Variants in GINS4 observed in about 807,000 individuals in gnomAD.
The protein encoded by GINS4 is GINS complex subunit 4, also known as DNA replication complex GINS protein SLD5.
GINS4 carries 20 observed loss-of-function variants against 31.1 expected under a neutral mutation model. The observed-to-expected ratio is 0.64, with a 90% CI of 0.45 to 0.93. GINS4 has a LOEUF of 0.93. Ranked by LOEUF, GINS4 falls within the 40% of genes least tolerant of loss-of-function variation. The pLI, the probability that GINS4 is intolerant of heterozygous loss-of-function variation, is 0.00. For synonymous variants in GINS4, 85 were observed against 97.9 expected, an observed-to-expected ratio of 0.87 and a Z score of 0.78; for missense variants, 245 against 273.9, an observed-to-expected ratio of 0.89 and a Z score of 0.75.
chr8:41,542,844 G>A lies in GINS4; in HGVS notation c.*757G>A, dbSNP rs1269439491. 2 of 152,362 alleles carry A rather than the reference G, an allele frequency of 1.3e-5. No homozygotes were observed. Among genetic ancestry groups the A allele is most frequent in the Non-Finnish European group, 2.9e-5 (2 of 68,144 alleles). The allele number at this position is 152,362 out of a possible 1,614,324, so 9.4% of individuals were successfully genotyped here. On this transcript the variant is annotated 3_prime_UTR_variant, in exon 8 of 8. Coordinates refer to ENST00000276533, the MANE Select transcript of GINS4 (RefSeq NM_032336.3). ...GATTGCTTGTGTTGCTGCATGTCCT[G>A]TCTGCTGTTTTAGCCCGTGTCAGTA...
chr8:41,531,593 T>C (rs1369811587), intron 2 of GINS4, among the ~76,000 whole-genome samples: 1 of 152,200 alleles, frequency 6.6e-6, no homozygotes, highest in African/African-American at 2.4e-5. Flanking sequence ...TGATTCTTAA[T>C]CTGTTTTTAT....
chr8:41,540,092 C>CA, intron 6 of GINS4, 88 bp downstream of exon 6: 4 of 943,186 alleles, frequency 4.2e-6, no homozygotes, highest in Non-Finnish European at 6.8e-6. Context: ...TACCCAAATA[C>CA]AAAAAAGTAA....
In GINS4 at chr8:41,543,411, C is replaced by G. The variant is rs533070925; in HGVS notation, c.*1324C>G. ...CTGTTAACGGAGTGACGTTAACCAT[C>G]TTGTATTGTGACCTGTGGCCGCTTT... On this transcript the variant is annotated 3_prime_UTR_variant, in exon 8 of 8. Transcript: ENST00000276533. 5 of 152,290 alleles carry G rather than the reference C, an allele frequency of 3.3e-5. No homozygotes were observed. In the East Asian group the frequency reaches 7.7e-4, roughly 24 times the overall value. The allele number at this position is 152,290 out of a possible 1,614,324, so 9.4% of individuals were successfully genotyped here. A position where few individuals can be genotyped will look rare whatever the true frequency, so the allele number is the denominator to read the frequency against.
intron 4 of GINS4, chr8:41,538,025 A>C: frequency 6.6e-6 from 1 of 152,006 alleles, no homozygotes; most frequent in African/African-American, 2.4e-5. Context: ...CGCCTCAAAA[A>C]AAAAAAAAAA....
At chr8:41,536,497 T>C in intron 3 of GINS4, 51 bp downstream of exon 3, 1 of 1,121,524 alleles carries the variant, frequency 8.9e-7, no homozygotes. Context: ...GTAAAAGCAT[T>C]TGGTCAGCAC....
Position 41,542,230 on chromosome 8 carries a change from A to AT in GINS4, c.*144dup. The AT allele has an allele frequency of 1.5e-6, 1 of 654,552 alleles. No individual in the cohort carries two copies. The highest frequency in any genetic ancestry group is 2.8e-6 in the Non-Finnish European group (1 of 362,264). The allele number at this position is 654,552 out of a possible 1,614,324, so 40.5% of individuals were successfully genotyped here. On this transcript the variant is annotated 3_prime_UTR_variant, in exon 8 of 8. Transcript: ENST00000276533. Reference sequence around the variant, plus strand: ...ACCCCATCTTTACTAAAAATACAAAATAATTAGCCGGGTGTTGGTGGTGTG... The same window carrying AT: ...ACCCCATCTTTACTAAAAATACAAAATTAATTAGCCGGGTGTTGGTGGTGTG...
Position 41,539,319 on chromosome 8 carries a change from CAAAAAAAAAAA to C in GINS4, c.298-345_298-335del, listed in dbSNP as rs36097557. 2.8e-3 allele frequency among the ~76,000 whole-genome samples: 156 copies of C among 55,772 alleles called. 3 individuals are homozygous for C. The highest frequency in any genetic ancestry group is 8.0e-3 in the African/African-American group (137 of 17,030). The allele number at this position is 55,772 out of a possible 152,430, so 36.6% of individuals were successfully genotyped here. A position where few individuals can be genotyped will look rare whatever the true frequency, so the allele number is the denominator to read the frequency against. ...TGGACAACACAATGAGACTCCATCT[CAAAAAAAAAAA>C]AAAAAAAAAAAAACCTTATGTGATT... On this transcript the variant is annotated intron_variant, in intron 4 of 7. Transcript: ENST00000276533.
chr8:41,530,434 A>T (rs905844811), intron 2 of GINS4, 136 bp downstream of exon 2: 3 of 627,724 alleles, frequency 4.8e-6, no homozygotes, highest in African/African-American at 1.9e-5. Flanking sequence ...TACCATCTAC[A>T]TGGAAACGGG....
chr8:41,539,875 CA>C (rs1806806733), intron 5 of GINS4, 40 bp from the exon 6 acceptor site: 1 of 1,584,584 alleles, frequency 6.3e-7, no homozygotes, highest in Non-Finnish European at 8.7e-7. Context: ...GGACGTCCAT[CA>C]GCTGTGTACA....
At chr8:41,535,444 G>GT (rs1303221079) in intron 2 of GINS4, among the ~76,000 whole-genome samples, 2 of 151,936 alleles carry the variant, frequency 1.3e-5, no homozygotes, top group African/African-American at 2.4e-5. Flanking sequence ...CATTATGCAG[G>GT]TTTTTTTTGT....
At chr8:41,530,031 A>C (rs770983111) in intron 1 of GINS4, 153 bp from the exon 2 acceptor site, 1 of 571,038 alleles carries the variant, frequency 1.8e-6, no homozygotes, top group Non-Finnish European at 3.1e-6. Context: ...AGACACTGGA[A>C]AACTAGAGTC....
intron 6 of GINS4, among the ~76,000 whole-genome samples, chr8:41,540,650 T>G (rs1445935991): frequency 2.0e-5 from 3 of 152,330 alleles, no homozygotes; most frequent in African/African-American, 7.2e-5. Flanking sequence ...GGGCCCTGGC[T>G]TACAGGATAA....
chr8:41,542,244 G>A lies in GINS4; in HGVS notation c.*157G>A. 1.3e-5 allele frequency: 8 copies of A among 634,438 alleles called. No individual in the cohort carries two copies. Among genetic ancestry groups the A allele is most frequent in the South Asian group, 1.0e-4 (6 of 57,298 alleles). The allele number at this position is 634,438 out of a possible 1,614,324, so 39.3% of individuals were successfully genotyped here. ...AAAAATACAAAATAATTAGCCGGGT[G>A]TTGGTGGTGTGCACCTGTAATCCCA... On this transcript the variant is annotated 3_prime_UTR_variant, in exon 8 of 8. Transcript: ENST00000276533.
rs1207975231 is a variant in GINS4, at chr8:41,540,001, G to T, written c.481G>T (p.Ala161Ser). 1.2e-6 allele frequency: 2 copies of T among 1,613,186 alleles called. No homozygotes were observed. The highest frequency in any genetic ancestry group is 2.7e-5 in the African/African-American group (2 of 74,908). Residue 161 changes from alanine (A) to serine (S), a missense_variant, in exon 6 of 8, where the codon GCA becomes TCA. By Grantham distance (99) the Ala-to-Ser change is moderately conservative. Coordinates refer to ENST00000276533, the MANE Select transcript of GINS4 (RefSeq NM_032336.3). The stretch of plus-strand genomic sequence containing the variant: ...CTTACAGAAGGTGGACCTCTTTCGG[G>T]CAGGTAAACAGGACGTTCTCCCTGC... ...PNLQKVDLFR[A>S]VPKPDLDSYV...
intron 6 of GINS4, 98 bp downstream of exon 6, chr8:41,540,102 A>G: frequency 2.3e-6 from 2 of 872,834 alleles, no homozygotes; most frequent in Non-Finnish European, 3.8e-6. Context: ...CAAAAAAGTA[A>G]GTATGTAGAT....
chr8:41,538,436 A>AT (rs1272545536), intron 4 of GINS4, among the ~76,000 whole-genome samples: 1 of 152,182 alleles, frequency 6.6e-6, no homozygotes, highest in Non-Finnish European at 1.5e-5. Flanking sequence ...ACATTAGCAT[A>AT]TTGACAGGTA....
Position 41,542,025 on chromosome 8 carries a change from C to A in GINS4, c.610C>A (p.His204Asn). ...GATTGACCTGGAGAAGGGCTCACAG[C>A]ACTTGATCCGATACAAAACCATTGC... The part of the protein sequence containing the change: ...YVIDLEKGSQ[H>N]LIRYKTIAPL... The change falls in exon 8 of 8, where the codon CAC (histidine) becomes AAC (asparagine). Residue 204 changes from histidine to asparagine, a missense_variant. Transcript: ENST00000276533. 3.1e-6 allele frequency: 5 copies of A among 1,614,122 alleles called. No individual in the cohort carries two copies. Among genetic ancestry groups the A allele is most frequent in the Non-Finnish European group, 4.2e-6 (5 of 1,179,994 alleles).
chr8:41,536,954 A>T, intron 3 of GINS4: 1 of 505,204 alleles, frequency 2.0e-6, no homozygotes, highest in Non-Finnish European at 3.6e-6. Flanking sequence ...TCTCCCTTAC[A>T]ATCAGATTGG....
At chr8:41,536,305 G>A (rs968428250) in intron 2 of GINS4, 55 bp from the exon 3 acceptor site, 2 of 1,060,060 alleles carry the variant, frequency 1.9e-6, no homozygotes, top group Non-Finnish European at 1.5e-6. Flanking sequence ...TGACTCACTG[G>A]GTTGTTTAGC....
Sources: allele counts gnomAD v4.1 joint callset (sites outside exome capture counted in the v4.1 genomes callset), GRCh38; gene constraint gnomAD v4.1.1; transcripts MANE v1.5; gene names NCBI Gene and HGNC (gene_info 2026-07-23, HGNC 2026-07-21).